NIPAL3: variants seen among roughly 807,000 people sequenced by gnomAD.
The protein encoded by NIPAL3 is NIPA like domain containing 3.
In NIPAL3, 41 loss-of-function variants were observed where a neutral mutation model predicts 47.2. That is an observed-to-expected ratio of 0.87 (90% CI 0.68 to 1.13). The LOEUF (loss-of-function observed/expected upper bound fraction) is 1.13. Ranked by LOEUF, NIPAL3 falls within the 50% of genes most tolerant of loss-of-function variation. The pLI, the probability that NIPAL3 is intolerant of heterozygous loss-of-function variation, is 0.00. For missense variants in NIPAL3, 449 were observed against 530.1 expected (o/e 0.85, Z 1.50); for synonymous variants, 194 against 209.6 (o/e 0.93, Z 0.64).
intron 3 of NIPAL3, among the ~76,000 whole-genome samples, chr1:24,440,786 G>A (rs780393741): frequency 3.3e-5 from 5 of 152,154 alleles, no homozygotes; most frequent in Non-Finnish European, 5.9e-5. Flanking sequence ...GGAGCAGGAC[G>A]TTAATGCCCC....
chr1:24,446,069 CGTGTGTGTGT>C (rs58016013), intron 5 of NIPAL3, among the ~76,000 whole-genome samples: 602 of 147,824 alleles, frequency 4.1e-3, no homozygotes, highest in Non-Finnish European at 7.4e-3. Context: ...AGATTATAGT[CGTGTGTGTGT>C]GTGTGTGTGT....
At chr1:24,438,856 A>C (rs1645246298) in intron 2 of NIPAL3, among the ~76,000 whole-genome samples, 1 of 149,836 alleles carries the variant, frequency 6.7e-6, no homozygotes, top group Admixed American at 6.8e-5. Flanking sequence ...ATATGGATGG[A>C]GGGTGTGTTG....
At chr1:24,461,077 A>T (rs1022071679) in intron 10 of NIPAL3, among the ~76,000 whole-genome samples, 3 of 152,260 alleles carry the variant, frequency 2.0e-5, no homozygotes, top group African/African-American at 7.2e-5. Context: ...ATTAATTTTT[A>T]AATTAGTTGT....
At chr1:24,433,661 T>C (rs552263469) in intron 2 of NIPAL3, among the ~76,000 whole-genome samples, 3 of 152,330 alleles carry the variant, frequency 2.0e-5, no homozygotes, top group African/African-American at 7.2e-5. Flanking sequence ...ACTGAGTTCC[T>C]TTTATTGATT....
chr1:24,437,822 T>A (rs1314750103), intron 2 of NIPAL3, among the ~76,000 whole-genome samples: 1 of 152,108 alleles, frequency 6.6e-6, no homozygotes. Context: ...AATAAGACCG[T>A]GTCCAATGGG....
chr1:24,467,755 G>A (rs1557541616), intron 11 of NIPAL3, among the ~76,000 whole-genome samples: 1 of 152,122 alleles, frequency 6.6e-6, no homozygotes, highest in Non-Finnish European at 1.5e-5. Flanking sequence ...CCAGTCAGGT[G>A]TTGTAGCTCA....
intron 10 of NIPAL3, among the ~76,000 whole-genome samples, chr1:24,460,745 C>G (rs955066213): frequency 6.6e-6 from 1 of 152,182 alleles, no homozygotes; most frequent in East Asian, 1.9e-4. Flanking sequence ...ACTCTAATCT[C>G]TTTGGCATTT....
chr1:24,444,022 T>TTC (rs1325769664), intron 4 of NIPAL3, among the ~76,000 whole-genome samples: 2 of 151,714 alleles, frequency 1.3e-5, no homozygotes, highest in African/African-American at 4.8e-5. Context: ...CAAATTCTTT[T>TTC]TTTTTTTTAA....
intron 1 of NIPAL3, among the ~76,000 whole-genome samples, chr1:24,418,298 C>T (rs1470968976): frequency 6.6e-6 from 1 of 152,166 alleles, no homozygotes; most frequent in Non-Finnish European, 1.5e-5. Flanking sequence ...GGGTTTTGGC[C>T]ATGCCTCCTA....
At position 24,471,438 on chromosome 1, in the gene NIPAL3, G is replaced by C. The variant is rs1172997767; in HGVS notation, c.*2253G>C. 6.5e-6 allele frequency: 1 copy of C among 152,744 alleles called. No individual in the cohort carries two copies. The highest frequency in any genetic ancestry group is 1.5e-5 in the Non-Finnish European group (1 of 68,604). The allele number at this position is 152,744 out of a possible 1,614,324, so 9.5% of individuals were successfully genotyped here. On this transcript the variant is annotated 3_prime_UTR_variant, in exon 12 of 12. Transcript: ENST00000374399. ...AAAATTAAAAATAAATAAATTAGCT[G>C]GGTGTGGTGGTGCATGCCTGTGATC...
intron 2 of NIPAL3, among the ~76,000 whole-genome samples, chr1:24,426,538 G>A (rs569917382): frequency 1.4e-3 from 217 of 152,256 alleles, no homozygotes; most frequent in Admixed American, 4.4e-3. Flanking sequence ...CAGGTGATCT[G>A]AGGAGTCTTC....
chr1:24,451,392 C>T lies in NIPAL3; in HGVS notation c.540+1766C>T, dbSNP rs1645927646. 6.6e-6 allele frequency among the ~76,000 whole-genome samples: 1 copy of T among 152,100 alleles called. No individual in the cohort carries two copies. The highest frequency in any genetic ancestry group is 1.5e-5 in the Non-Finnish European group (1 of 68,018). Reference sequence around the variant, plus strand: ...TAATGTCCAGTGCTATTCCAGTGTTCATTTTAGAATCATGGAGAACGGGCC... The same window carrying T: ...TAATGTCCAGTGCTATTCCAGTGTTTATTTTAGAATCATGGAGAACGGGCC... On this transcript the variant is annotated intron_variant, in intron 6 of 11. Coordinates refer to ENST00000374399, the MANE Select transcript of NIPAL3 (RefSeq NM_020448.5). This position sits in a 1 kb window ranked among gnomAD's most constrained non-coding sequence, Gnocchi z 4.5.
chr1:24,431,705 G>C (rs1397853281), intron 2 of NIPAL3, among the ~76,000 whole-genome samples: 1 of 151,874 alleles, frequency 6.6e-6, no homozygotes, highest in Non-Finnish European at 1.5e-5. Flanking sequence ...GAATTAAAGG[G>C]GGTTGCCTTT....
chr1:24,426,641 C>T lies in NIPAL3; in HGVS notation c.93+7001C>T, dbSNP rs186822747. Among the ~76,000 whole-genome samples the T allele has an allele frequency of 2.2e-4, 34 of 152,242 alleles. No homozygotes were observed. The South Asian group carries it at 4.4e-3, about 19-fold the overall frequency. ...CACCCATAAAATACTGGAACCAGAG[C>T]GGTGTGGGGAGACCCTGACAGTCGC... On this transcript the variant is annotated intron_variant, in intron 2 of 11. Transcript: ENST00000374399.
intron 1 of NIPAL3, among the ~76,000 whole-genome samples, chr1:24,418,303 C>T (rs1644152449): frequency 6.6e-6 from 1 of 152,156 alleles, no homozygotes; most frequent in African/African-American, 2.4e-5. Flanking sequence ...TTGGCCATGC[C>T]TCCTAGGACA....
chr1:24,416,836 C>T lies in NIPAL3; in HGVS notation c.-258+932C>T, dbSNP rs1303937305. On this transcript the variant is annotated intron_variant, in intron 1 of 11. Coordinates refer to ENST00000374399, the MANE Select transcript of NIPAL3 (RefSeq NM_020448.5). The surrounding 1 kb of genome is among the most constrained non-coding windows in gnomAD (Gnocchi z 4.8). ...ATCTTTGCAGGCGATGCTTCAGAGG[C>T]CTGCGAGTTCCTGAGGCAGAGAGGG... 1 of 152,274 alleles carries T rather than the reference C, an allele frequency of 6.6e-6. No homozygotes were observed. Among genetic ancestry groups the T allele is most frequent in the Admixed American group, 6.5e-5 (1 of 15,290 alleles). The allele number at this position is 152,274 out of a possible 1,614,324, so 9.4% of individuals were successfully genotyped here.
At position 24,461,435 on chromosome 1, in the gene NIPAL3, G is replaced by A. The variant is rs572325162; in HGVS notation, c.926+891G>A. 4.0e-5 allele frequency among the ~76,000 whole-genome samples: 6 copies of A among 151,488 alleles called. No individual in the cohort carries two copies. The East Asian group carries it at 7.7e-4, about 20-fold the overall frequency. On this transcript the variant is annotated intron_variant, in intron 10 of 11. Transcript: ENST00000374399. The stretch of plus-strand genomic sequence containing the variant: ...TGCATGCCTGTAATCCCAGCTACTC[G>A]GGAGGCTGAGGCAGGAGAATCACTT...
At chr1:24,417,087 A>C (rs1053306929) in intron 1 of NIPAL3, among the ~76,000 whole-genome samples, 1 of 152,182 alleles carries the variant, frequency 6.6e-6, no homozygotes, top group Non-Finnish European at 1.5e-5. Context: ...GTGGTTGATT[A>C]GGCCTTAGAA....
At chr1:24,417,477 G>A (rs540241337) in intron 1 of NIPAL3, among the ~76,000 whole-genome samples, 6 of 152,346 alleles carry the variant, frequency 3.9e-5, no homozygotes, top group Admixed American at 2.0e-4. Flanking sequence ...GTACGTGAAA[G>A]TATAGTGAAC....
Sources: gnomAD v4.1 joint callset for allele counts (sites outside exome capture counted in the v4.1 genomes callset) on GRCh38, gnomAD v4.1.1 for gene constraint, Gnocchi (gnomAD v3.1) non-coding constraint, MANE v1.5 for transcripts, NCBI Gene and HGNC (gene_info 2026-07-23, HGNC 2026-07-21) for gene names.